Variants in CCBE1 observed in about 807,000 individuals in gnomAD.
The protein encoded by CCBE1 is collagen and calcium-binding EGF domain-containing protein 1.
In CCBE1, 37 loss-of-function variants were observed where a neutral mutation model predicts 50.0. The observed-to-expected ratio is 0.74, with a 90% confidence interval of 0.57 to 0.97. The LOEUF is 0.97. Among genes scored for constraint, CCBE1 ranks in the 50% least tolerant of loss-of-function variants. The pLI is 0.00. For synonymous variants in CCBE1, 234 were observed against 203.7 expected, an observed-to-expected ratio of 1.15 and a Z score of -1.27; for missense variants, 538 against 523.8, an observed-to-expected ratio of 1.03 and a Z score of -0.26.
At chr18:59,447,419 T>A (rs1598907634) in intron 7 of CCBE1, among the ~76,000 whole-genome samples, 2 of 152,290 alleles carry the variant, frequency 1.3e-5, no homozygotes, top group South Asian at 2.1e-4. Flanking sequence ...CATGGGTAAA[T>A]ACATCTGTCA....
chr18:59,577,894 G>A (rs2053022999), intron 2 of CCBE1, among the ~76,000 whole-genome samples: 1 of 152,088 alleles, frequency 6.6e-6, no homozygotes, highest in East Asian at 1.9e-4. Flanking sequence ...CCAGGACATA[G>A]ACATGGGCAA....
chr18:59,584,502 AT>A (rs1568219047), intron 2 of CCBE1, among the ~76,000 whole-genome samples: 10 of 145,476 alleles, frequency 6.9e-5, no homozygotes, highest in African/African-American at 2.6e-4. Flanking sequence ...AAGTATAATA[AT>A]AATAAAAAAA....
At chr18:59,477,213 A>C (rs1215406435) in intron 3 of CCBE1, among the ~76,000 whole-genome samples, 3 of 152,260 alleles carry the variant, frequency 2.0e-5, no homozygotes, top group African/African-American at 7.2e-5. Flanking sequence ...GAGGGAAGGA[A>C]GAATGTCTGG....
chr18:59,596,771 G>A (rs763167870), intron 2 of CCBE1, among the ~76,000 whole-genome samples: 31 of 152,208 alleles, frequency 2.0e-4, no homozygotes, highest in Non-Finnish European at 4.0e-4. Context: ...TCAATGAAGT[G>A]TTGAGAGGGC....
chr18:59,678,138 A>T (rs1201796908), intron 2 of CCBE1, among the ~76,000 whole-genome samples: 3 of 152,202 alleles, frequency 2.0e-5, no homozygotes, highest in African/African-American at 7.2e-5. Flanking sequence ...GCAACAGTTG[A>T]TAGCTGAATT....
chr18:59,465,995 T>A (rs1340763304), intron 5 of CCBE1, among the ~76,000 whole-genome samples: 1 of 152,134 alleles, frequency 6.6e-6, no homozygotes, highest in African/African-American at 2.4e-5. Flanking sequence ...GAGTTTGAAC[T>A]TATATTCTCT....
chr18:59,607,864 CAG>C, intron 2 of CCBE1, among the ~76,000 whole-genome samples: 1 of 152,308 alleles, frequency 6.6e-6, no homozygotes, highest in Non-Finnish European at 1.5e-5. Context: ...CACCTGAGGT[CAG>C]GAGTCACGTG....
intron 2 of CCBE1, among the ~76,000 whole-genome samples, chr18:59,668,500 G>T (rs910105300): frequency 1.3e-5 from 2 of 151,946 alleles, no homozygotes; most frequent in African/African-American, 2.4e-5. Flanking sequence ...TATGTAATCT[G>T]CTTTGTTCAC....
At chr18:59,607,999 C>A (rs1393375021) in intron 2 of CCBE1, among the ~76,000 whole-genome samples, 1 of 128,746 alleles carries the variant, frequency 7.8e-6, no homozygotes. Context: ...TCTCTTGAAT[C>A]CAGGAAGCAG....
chr18:59,471,729 A>G (rs1472053313), intron 3 of CCBE1, among the ~76,000 whole-genome samples: 2 of 152,214 alleles, frequency 1.3e-5, no homozygotes, highest in Non-Finnish European at 2.9e-5. Flanking sequence ...CATTTCTGAC[A>G]GTGACACACA....
intron 2 of CCBE1, among the ~76,000 whole-genome samples, chr18:59,604,583 C>T (rs57388030): frequency 0.017 from 2,616 of 152,270 alleles, 86 homozygotes; most frequent in African/African-American, 0.061. Context: ...AAAAGGAGAG[C>T]TGATCATCTA....
intron 2 of CCBE1, among the ~76,000 whole-genome samples, chr18:59,511,750 T>C (rs1395134227): frequency 6.6e-6 from 1 of 152,340 alleles, no homozygotes; most frequent in South Asian, 2.1e-4. Context: ...CCTCTCTTCA[T>C]AAGAGATTGA....
At chr18:59,449,048 C>A (rs1297101615) in intron 6 of CCBE1, among the ~76,000 whole-genome samples, 1 of 152,202 alleles carries the variant, frequency 6.6e-6, no homozygotes, top group Non-Finnish European at 1.5e-5. Flanking sequence ...TGGGTCAACA[C>A]TGGCAGCTGA....
In CCBE1 at chr18:59,601,032, T is replaced by G. The variant is rs1349911959; in HGVS notation, c.212+95597A>C. Among the ~76,000 whole-genome samples, 193 of 104,700 alleles carry G rather than the reference T, an allele frequency of 1.8e-3. 2 individuals are homozygous for G. Among genetic ancestry groups the G allele is most frequent in the African/African-American group, 7.9e-3 (178 of 22,520 alleles). 68.7% of individuals were successfully genotyped at this position (104,700 alleles called of 152,430 possible). ...TCAGTTTTTTTTTTTTTTTTTTTTT[T>G]TTTTTTTTTTTTTTTGTAAGACAGG... On this transcript the variant is annotated intron_variant, in intron 2 of 10. Transcript: ENST00000439986.
intron 2 of CCBE1, among the ~76,000 whole-genome samples, chr18:59,526,129 T>C (rs1276120335): frequency 1.3e-5 from 2 of 152,148 alleles, no homozygotes; most frequent in African/African-American, 2.4e-5. Context: ...AGAATGTCAA[T>C]GGTAGCTTGA....
intron 2 of CCBE1, among the ~76,000 whole-genome samples, chr18:59,522,816 C>T (rs1005311020): frequency 2.6e-5 from 4 of 151,796 alleles, no homozygotes; most frequent in South Asian, 2.1e-4. Context: ...GGTGAAACCT[C>T]GTCTCTACTA....
intron 2 of CCBE1, among the ~76,000 whole-genome samples, chr18:59,550,726 A>G (rs895747029): frequency 6.6e-6 from 1 of 152,166 alleles, no homozygotes; most frequent in Non-Finnish European, 1.5e-5. Context: ...ACTCATGGAG[A>G]CAGAAAAATA....
In CCBE1 at chr18:59,638,350, T is replaced by C. The variant is rs140449294; in HGVS notation, c.212+58279A>G. 3.8e-4 allele frequency among the ~76,000 whole-genome samples: 58 copies of C among 152,344 alleles called. No homozygotes were observed. The East Asian group carries it at 8.9e-3, about 23-fold the overall frequency. On this transcript the variant is annotated intron_variant, in intron 2 of 10. Coordinates refer to ENST00000439986, the MANE Select transcript of CCBE1 (RefSeq NM_133459.4). ...AAAGCGTTTCAAGATCAGCACAAGA[T>C]AAGGATATCAACTTTCACCAATTCT...
chr18:59,694,223 C>T (rs1161263481), intron 2 of CCBE1, among the ~76,000 whole-genome samples: 9 of 152,266 alleles, frequency 5.9e-5, no homozygotes. Flanking sequence ...GAAGTGGCTT[C>T]CAGAGTTCCT....
Sources: gnomAD v4.1 joint callset for allele counts (sites outside exome capture counted in the v4.1 genomes callset) on GRCh38, gnomAD v4.1.1 for gene constraint, MANE v1.5 for transcripts, NCBI Gene and HGNC (gene_info 2026-07-23, HGNC 2026-07-21) for gene names.